The following RGS3 variants were observed in gnomAD, a reference collection of about 807,000 sequenced individuals.
RGS3 encodes regulator of G protein signaling 3.
RGS3 carries 80 observed loss-of-function variants against 132.6 expected under a neutral mutation model. The ratio of observed to expected loss-of-function variants is 0.60; its 90% CI spans 0.50 to 0.73. The LOEUF is 0.73. RGS3 is among the 30% of genes least tolerant of loss of function. RGS3 has a pLI of 0.00. For synonymous variants in RGS3, 598 were observed against 620.6 expected (o/e 0.96, Z 0.54); for missense variants, 1,382 against 1,530.8 (o/e 0.90, Z 1.62).
intron 19 of RGS3, among the ~76,000 whole-genome samples, chr9:113,548,818 T>G (rs1833217842): frequency 6.6e-6 from 1 of 152,196 alleles, no homozygotes; most frequent in Non-Finnish European, 1.5e-5. Context: ...GCAGGCCTTG[T>G]GCTGAGGTTT....
chr9:113,474,673 A>T (rs1158582307), intron 3 of RGS3, among the ~76,000 whole-genome samples: 1 of 152,122 alleles, frequency 6.6e-6, no homozygotes. Context: ...CTGCCTTCAT[A>T]TGTTTGTCTG....
At chr9:113,529,549 G>T (rs535017147) in intron 18 of RGS3, among the ~76,000 whole-genome samples, 14 of 152,362 alleles carry the variant, frequency 9.2e-5, no homozygotes, top group Non-Finnish European at 1.9e-4. Flanking sequence ...AGGAATCTCA[G>T]TGGGGGTGTG....
At chr9:113,552,508 C>T (rs1169145920) in intron 19 of RGS3, among the ~76,000 whole-genome samples, 4 of 151,990 alleles carry the variant, frequency 2.6e-5, no homozygotes, top group South Asian at 2.1e-4. Flanking sequence ...TTAGTAGAGA[C>T]GGGGTTTCAA....
upstream of RGS3, among the ~76,000 whole-genome samples, chr9:113,457,577 C>T (rs745739811): frequency 5.9e-5 from 9 of 152,138 alleles, no homozygotes; most frequent in Non-Finnish European, 1.2e-4. Context: ...CCTGCTAGAC[C>T]GTAGCCTTGC....
chr9:113,518,648 T>C (rs1831793636), intron 16 of RGS3, among the ~76,000 whole-genome samples: 1 of 152,036 alleles, frequency 6.6e-6, no homozygotes, highest in Non-Finnish European at 1.5e-5. Context: ...TTCAAGGGAG[T>C]GCCCTGGGGG....
At chr9:113,526,095 G>A (rs924845903) in intron 17 of RGS3, among the ~76,000 whole-genome samples, 2 of 152,196 alleles carry the variant, frequency 1.3e-5, no homozygotes, top group Admixed American at 6.5e-5. Flanking sequence ...CGCTAGCTTT[G>A]CTACTCTTTG....
intron 1 of RGS3, among the ~76,000 whole-genome samples, chr9:113,455,239 G>T (rs2119148967): frequency 6.6e-6 from 1 of 152,304 alleles, no homozygotes; most frequent in South Asian, 2.1e-4. Context: ...ATTTTGTCCA[G>T]TCTTTTAGTT....
At chr9:113,563,858 C>T (rs899959143) in intron 19 of RGS3, among the ~76,000 whole-genome samples, 1 of 152,160 alleles carries the variant, frequency 6.6e-6, no homozygotes, top group African/African-American at 2.4e-5. Flanking sequence ...AGAAACATCC[C>T]GAGACCCTGG....
At chr9:113,488,653 G>C (rs759223923) in intron 7 of RGS3, among the ~76,000 whole-genome samples, 3 of 152,180 alleles carry the variant, frequency 2.0e-5, no homozygotes, top group Non-Finnish European at 4.4e-5. Flanking sequence ...TCAGCGTCAT[G>C]GGGCAGTGTC....
At chr9:113,472,148 AC>A (rs529713685) in intron 3 of RGS3, among the ~76,000 whole-genome samples, 17 of 152,266 alleles carry the variant, frequency 1.1e-4, no homozygotes, top group African/African-American at 4.1e-4. Context: ...GGAAATTGGA[AC>A]CCTTGTACAC....
At chr9:113,535,081 A>G (rs1174290333) in intron 18 of RGS3, among the ~76,000 whole-genome samples, 1 of 152,094 alleles carries the variant, frequency 6.6e-6, no homozygotes, top group African/African-American at 2.4e-5. Flanking sequence ...AGTCTGTCTC[A>G]TTTACCTCTT....
In RGS3 at chr9:113,471,715, C is replaced by G. The variant is rs73538866; in HGVS notation, c.416-7776C>G. ...GCCTGCCTGCCTACCTGCAGTTGTC[C>G]GAGCAGGCATTACTGGGGCTGGAGG... On this transcript the variant is annotated intron_variant, in intron 3 of 24. Transcript: ENST00000350696. 1.8e-3 allele frequency among the ~76,000 whole-genome samples: 270 copies of G among 152,088 alleles called. 4 individuals are homozygous for G. The highest frequency in any genetic ancestry group is 6.2e-3 in the African/African-American group (256 of 41,456).
rs1158723522 is a variant in RGS3 at position 113,462,133 on chromosome 9, GA to G, written c.349del (p.Arg117GlufsTer25). 1 of 1,614,164 alleles carries G rather than the reference GA, an allele frequency of 6.2e-7. No homozygotes were observed. The highest frequency in any genetic ancestry group is 8.5e-7 in the Non-Finnish European group (1 of 1,180,050). On this transcript the variant is annotated frameshift_variant, in exon 3 of 25. Transcript: ENST00000350696. LOFTEE classifies it high-confidence loss of function. The stretch of plus-strand genomic sequence containing the variant: ...CTAAGCCCTGATATCGCTCTGCCCA[GA>G]AGAGATGAGTGGACTCAAACTTCTC...
chr9:113,485,115 T>C (rs918676889), intron 6 of RGS3, among the ~76,000 whole-genome samples: 1 of 151,026 alleles, frequency 6.6e-6, no homozygotes, highest in Non-Finnish European at 1.5e-5. Flanking sequence ...TGAGATGGAG[T>C]CTTGCTCTGT....
At chr9:113,564,186 G>A (rs185184505) in intron 19 of RGS3, among the ~76,000 whole-genome samples, 10 of 152,360 alleles carry the variant, frequency 6.6e-5, no homozygotes, top group African/African-American at 2.2e-4. Context: ...GTGAGTAGGA[G>A]CAACTAGTTT....
At chr9:113,566,632 C>A (rs1164453469) in intron 19 of RGS3, among the ~76,000 whole-genome samples, 1 of 152,228 alleles carries the variant, frequency 6.6e-6, no homozygotes, top group Admixed American at 6.5e-5. Context: ...ATTTCCCTGA[C>A]CTGAACTAAG....
chr9:113,458,426 G>A (rs183745444), upstream of RGS3, among the ~76,000 whole-genome samples: 53 of 152,098 alleles, frequency 3.5e-4, 3 homozygotes, highest in Non-Finnish European at 2.9e-5. Context: ...AACCATTTTT[G>A]CATCTCTAGG....
chr9:113,568,785 G>C (rs1286502417), intron 19 of RGS3, among the ~76,000 whole-genome samples: 1 of 152,234 alleles, frequency 6.6e-6, no homozygotes, highest in African/African-American at 2.4e-5. Flanking sequence ...GGAGAAGCTG[G>C]AGCCACTCAC....
intron 1 of RGS3, among the ~76,000 whole-genome samples, chr9:113,449,587 A>C (rs1829193148): frequency 2.0e-5 from 3 of 152,126 alleles, no homozygotes; most frequent in Admixed American, 2.0e-4. Flanking sequence ...GAGATGGGGA[A>C]GGTCAAGTTG....
Sources: allele counts gnomAD v4.1 joint callset (sites outside exome capture counted in the v4.1 genomes callset), GRCh38; gene constraint gnomAD v4.1.1; transcripts MANE v1.5; gene names NCBI Gene and HGNC (gene_info 2026-07-23, HGNC 2026-07-21).